Variants in ANKRD10 observed in about 807,000 individuals in gnomAD.
ANKRD10 encodes the protein ankyrin repeat domain-containing protein 10.
A neutral mutation model predicts 27.0 loss-of-function variants in ANKRD10; 14 were observed. That is an observed-to-expected ratio of 0.52 (90% CI 0.34 to 0.81). The LOEUF is 0.81. ANKRD10 is among the 40% of genes least tolerant of loss of function. The pLI is 0.01. For missense variants in ANKRD10, 493 were observed against 544.0 expected, an observed-to-expected ratio of 0.91 and a Z score of 0.93; for synonymous variants, 250 against 224.5, an observed-to-expected ratio of 1.11 and a Z score of -1.01.
chr13:110,890,026 T>A (rs1339507440), intron 4 of ANKRD10, among the ~76,000 whole-genome samples: 1 of 152,182 alleles, frequency 6.6e-6, no homozygotes, highest in Admixed American at 6.5e-5. Context: ...TATACATGTG[T>A]TAAATGAGGA....
chr13:110,881,528 AT>A (rs3839993), intron 5 of ANKRD10, among the ~76,000 whole-genome samples: 99,151 of 152,092 alleles, frequency 0.65, 32,871 homozygotes, highest in East Asian at 0.85. Context: ...AGGACAATAG[AT>A]TTTTTTTCCC....
intron 3 of ANKRD10, chr13:110,894,445 A>G (rs1398263181): frequency 1.4e-5 from 4 of 286,880 alleles, no homozygotes; most frequent in African/African-American, 2.2e-5. Flanking sequence ...TTTGAGAGTG[A>G]AAACTACAGA....
At position 110,879,668 on chromosome 13, in the gene ANKRD10, A is replaced by G; in HGVS notation, c.1232T>C (p.Leu411Pro). 1.2e-6 allele frequency: 2 copies of G among 1,613,740 alleles called. No homozygotes were observed. The highest frequency in any genetic ancestry group is 1.7e-6 in the Non-Finnish European group (2 of 1,179,942). Reference protein sequence around the residue: ...KVQERYDSAVLGTMHLHHGS With the variant: ...KVQERYDSAVPGTMHLHHGS Reference sequence around the variant, plus strand: ...GCCGTGGTGCAGGTGCATGGTGCCCAGCACGGCACTGTCGTACCGCTCCTG... The same window carrying G: ...GCCGTGGTGCAGGTGCATGGTGCCCGGCACGGCACTGTCGTACCGCTCCTG... The change falls in exon 6 of 6, where the codon CTG becomes CCG. Residue 411 changes from leucine to proline, a missense_variant. Coordinates refer to ENST00000267339, the MANE Select transcript of ANKRD10 (RefSeq NM_017664.4).
At position 110,906,239 on chromosome 13, in the gene ANKRD10, T is replaced by C. The variant is rs74592194; in HGVS notation, c.364-115A>G. 1.4e-4 allele frequency: 114 copies of C among 791,274 alleles called. No individual in the cohort carries two copies. The East Asian group carries it at 2.8e-3, about 19-fold the overall frequency. 49.0% of individuals were successfully genotyped at this position (791,274 alleles called of 1,614,324 possible). A position where few individuals can be genotyped will look rare whatever the true frequency, so the allele number is the denominator to read the frequency against. On this transcript the variant is annotated intron_variant, in intron 2 of 5. Transcript: ENST00000267339. ...TCTCATCCTTTTTTGAAGTAAAACA[T>C]GTTGAGCAAGATCTGAAGCAGAACA...
chr13:110,906,484 C>A (rs541791688), intron 2 of ANKRD10, among the ~76,000 whole-genome samples: 1 of 152,270 alleles, frequency 6.6e-6, no homozygotes, highest in South Asian at 2.1e-4. Context: ...CACACACACA[C>A]ATTAAAACGG....
chr13:110,905,602 A>G (rs1470091100), intron 3 of ANKRD10, among the ~76,000 whole-genome samples: 1 of 152,220 alleles, frequency 6.6e-6, no homozygotes, highest in African/African-American at 2.4e-5. Flanking sequence ...AGAAAAGTGA[A>G]TTTTCTTCAG....
intron 5 of ANKRD10, among the ~76,000 whole-genome samples, chr13:110,882,860 T>G (rs574438678): frequency 6.6e-6 from 1 of 152,316 alleles, no homozygotes; most frequent in Non-Finnish European, 1.5e-5. Context: ...GTGAAGAATT[T>G]GCATAAAGAC....
At chr13:110,896,062 CA>C (rs2065218882) in intron 3 of ANKRD10, among the ~76,000 whole-genome samples, 1 of 152,182 alleles carries the variant, frequency 6.6e-6, no homozygotes, top group East Asian at 1.9e-4. Context: ...CAAGAACAAT[CA>C]CAGGTCAAAC....
At chr13:110,892,136 A>G (rs1223877636) in intron 4 of ANKRD10, among the ~76,000 whole-genome samples, 1 of 151,258 alleles carries the variant, frequency 6.6e-6, no homozygotes, top group Non-Finnish European at 1.5e-5. Flanking sequence ...CAAAAAACAA[A>G]AAACCCAAAA....
chr13:110,883,829 G>A (rs967515626), intron 4 of ANKRD10, 36 bp from the exon 5 acceptor site: 6 of 1,566,338 alleles, frequency 3.8e-6, no homozygotes, highest in Middle Eastern at 1.7e-4. Flanking sequence ...AGATTCCTTT[G>A]TCTGTAACAA....
chr13:110,894,281 A>G (rs1398721317), intron 3 of ANKRD10: 1 of 902,936 alleles, frequency 1.1e-6, no homozygotes, highest in Non-Finnish European at 1.8e-6. Flanking sequence ...GACAGCTTCC[A>G]TACCTGTTCA....
intron 1 of ANKRD10, among the ~76,000 whole-genome samples, chr13:110,913,365 G>C (rs1022137762): frequency 2.6e-5 from 4 of 152,196 alleles, no homozygotes; most frequent in Non-Finnish European, 4.4e-5. Flanking sequence ...GCAGGGAGGA[G>C]GCTTTATTAC....
In ANKRD10 at chr13:110,882,120, A is replaced by T. The variant is rs1049893581; in HGVS notation, c.787+1578T>A. Among the ~76,000 whole-genome samples, 3 of 152,156 alleles carry T rather than the reference A, an allele frequency of 2.0e-5. No individual in the cohort carries two copies. In the East Asian group the frequency reaches 5.8e-4, roughly 29 times the overall value. ...AGGATTTAGAAGCAAGCACCCTCCT[A>T]TCCGAGCCCTTTCCAGGGGTGGGGA... On this transcript the variant is annotated intron_variant, in intron 5 of 5. Transcript: ENST00000267339.
intron 2 of ANKRD10, among the ~76,000 whole-genome samples, chr13:110,908,913 A>C (rs964653258): frequency 1.3e-5 from 2 of 152,248 alleles, no homozygotes; most frequent in African/African-American, 4.8e-5. Context: ...GTCTACCCGG[A>C]TACTTCAAAT....
chr13:110,908,042 G>A (rs1484260814), intron 2 of ANKRD10, among the ~76,000 whole-genome samples: 1 of 152,086 alleles, frequency 6.6e-6, no homozygotes, highest in Non-Finnish European at 1.5e-5. Flanking sequence ...CGGACATCCT[G>A]AGAGAAGGTA....
At chr13:110,891,268 A>ATTTTTTTTTTTTT in intron 4 of ANKRD10, among the ~76,000 whole-genome samples, 1 of 152,218 alleles carries the variant, frequency 6.6e-6, no homozygotes, top group African/African-American at 2.4e-5. Context: ...ATGACAAAGG[A>ATTTTTTTTTTTTT]TTTTTTTAAA....
intron 4 of ANKRD10, among the ~76,000 whole-genome samples, chr13:110,891,666 T>TTTTTAAGTGATTAACTGATA (rs1190133667): frequency 1.3e-5 from 2 of 152,184 alleles, no homozygotes; most frequent in African/African-American, 4.8e-5. Context: ...AATCTCTAGA[T>TTTTTAAGTGATTAACTGATA]TTTTAAGTGA....
intron 3 of ANKRD10, chr13:110,905,080 GAAT>G (rs2065491760): frequency 6.6e-6 from 1 of 152,094 alleles, no homozygotes; most frequent in Middle Eastern, 3.4e-3. Flanking sequence ...TTTCTGATTA[GAAT>G]AATGTGGTTT....
chr13:110,888,172 G>A (rs898778542), intron 4 of ANKRD10, among the ~76,000 whole-genome samples: 2 of 151,128 alleles, frequency 1.3e-5, no homozygotes, highest in African/African-American at 4.9e-5. Flanking sequence ...TGGAAAGACC[G>A]GGGGGGACTG....
Sources: allele counts gnomAD v4.1 joint callset (sites outside exome capture counted in the v4.1 genomes callset), GRCh38; gene constraint gnomAD v4.1.1; transcripts MANE v1.5; gene names NCBI Gene and HGNC (gene_info 2026-07-23, HGNC 2026-07-21).